The following EXOC6B variants were observed in gnomAD, a reference collection of about 807,000 sequenced individuals.
The protein encoded by EXOC6B is exocyst complex component 6B, also known as SEC15 homolog B.
A neutral mutation model predicts 113.5 loss-of-function variants in EXOC6B; 54 were observed. That is an observed-to-expected ratio of 0.48 (90% confidence interval 0.38 to 0.60). EXOC6B has a LOEUF of 0.60. Ranked by LOEUF, EXOC6B falls within the 20% of genes least tolerant of loss-of-function variation. EXOC6B has a pLI of 0.00. For missense variants in EXOC6B, 797 were observed against 977.5 expected, an observed-to-expected ratio of 0.82 and a Z score of 2.46; for synonymous variants, 357 against 339.0, an observed-to-expected ratio of 1.05 and a Z score of -0.58.
intron 1 of EXOC6B, among the ~76,000 whole-genome samples, chr2:72,793,633 A>G (rs1684796851): frequency 6.6e-6 from 1 of 152,208 alleles, no homozygotes; most frequent in African/African-American, 2.4e-5. Flanking sequence ...CTTGAAAAGT[A>G]AGTATGGCTG....
chr2:72,488,819 T>C (rs899292198), intron 16 of EXOC6B, among the ~76,000 whole-genome samples: 2 of 152,198 alleles, frequency 1.3e-5, no homozygotes, highest in Non-Finnish European at 2.9e-5. Context: ...CCATGGTCAA[T>C]GTGATCCTCT....
chr2:72,502,787 C>T (rs577157542), intron 11 of EXOC6B, among the ~76,000 whole-genome samples: 2 of 152,054 alleles, frequency 1.3e-5, no homozygotes, highest in African/African-American at 4.8e-5. Context: ...TCCCTTCTTT[C>T]GTCACTGTCT....
intron 1 of EXOC6B, among the ~76,000 whole-genome samples, chr2:72,752,299 T>C (rs1682097302): frequency 6.6e-6 from 1 of 152,172 alleles, no homozygotes; most frequent in Admixed American, 6.6e-5. Flanking sequence ...CTTATCTCTA[T>C]GAAATAGATA....
intron 18 of EXOC6B, among the ~76,000 whole-genome samples, chr2:72,394,941 G>A (rs1386299703): frequency 6.6e-6 from 1 of 151,910 alleles, no homozygotes; most frequent in Non-Finnish European, 1.5e-5. Flanking sequence ...AGCCCTCCCA[G>A]ATGCCAGATC....
chr2:72,601,467 G>C (rs533261800), intron 6 of EXOC6B, among the ~76,000 whole-genome samples: 1 of 152,122 alleles, frequency 6.6e-6, no homozygotes, highest in Non-Finnish European at 1.5e-5. Context: ...TTATATGTGT[G>C]AGCCACCGCG....
intron 18 of EXOC6B, among the ~76,000 whole-genome samples, chr2:72,456,320 T>C (rs1697230030): frequency 1.3e-5 from 2 of 152,186 alleles, no homozygotes; most frequent in East Asian, 1.9e-4. Context: ...TTCTCTTTTC[T>C]ATAATTAAAT....
rs116229127 is a variant in EXOC6B, at chr2:72,765,404, G to A, written c.114-23935C>T. On this transcript the variant is annotated intron_variant, in intron 1 of 21. Coordinates refer to ENST00000272427, the MANE Select transcript of EXOC6B (RefSeq NM_015189.3). Reference sequence around the variant, plus strand: ...AACTGCTCAGGCAGTCAGGCGTGGTGGCTCAGGCCTATAATCCCAGCACTT... The same window carrying A: ...AACTGCTCAGGCAGTCAGGCGTGGTAGCTCAGGCCTATAATCCCAGCACTT... Among the ~76,000 whole-genome samples, 731 of 152,354 alleles carry A rather than the reference G, an allele frequency of 4.8e-3. 6 individuals carry two copies. The highest frequency in any genetic ancestry group is 0.016 in the African/African-American group (673 of 41,582).
intron 17 of EXOC6B, among the ~76,000 whole-genome samples, chr2:72,477,710 T>C (rs1698833290): frequency 1.3e-5 from 2 of 152,190 alleles, no homozygotes; most frequent in African/African-American, 2.4e-5. Context: ...ATACTTCATC[T>C]CTTATCGTCC....
chr2:72,818,311 ATTTTT>A (rs1183950982), intron 1 of EXOC6B, among the ~76,000 whole-genome samples: 4 of 117,842 alleles, frequency 3.4e-5, no homozygotes, highest in Non-Finnish European at 6.9e-5. Context: ...GGCCCAGCTA[ATTTTT>A]TTTTTTTTTT....
intron 19 of EXOC6B, among the ~76,000 whole-genome samples, chr2:72,340,628 CA>C (rs1430798271): frequency 6.6e-6 from 1 of 151,992 alleles, no homozygotes; most frequent in Non-Finnish European, 1.5e-5. Flanking sequence ...TGGTTTTGGC[CA>C]AAATGCCAGA....
At chr2:72,458,281 G>A (rs527584507) in intron 18 of EXOC6B, among the ~76,000 whole-genome samples, 81 of 152,236 alleles carry the variant, frequency 5.3e-4, no homozygotes, top group African/African-American at 1.8e-3. Context: ...AATAATGCCC[G>A]AAGGCAAATC....
chr2:72,693,656 CGG>C (rs1274835009), intron 6 of EXOC6B, among the ~76,000 whole-genome samples: 3 of 152,112 alleles, frequency 2.0e-5, no homozygotes, highest in African/African-American at 7.2e-5. Context: ...AAGGTTTGGT[CGG>C]GTTACTTAAA....
chr2:72,781,561 T>C (rs886643530), intron 1 of EXOC6B, among the ~76,000 whole-genome samples: 4 of 152,212 alleles, frequency 2.6e-5, no homozygotes, highest in Admixed American at 6.5e-5. Context: ...AAAGCCACCA[T>C]AGACAATAAA....
In EXOC6B at chr2:72,178,524, A is replaced by G. The variant is rs2104180424; in HGVS notation, c.*811T>C. On this transcript the variant is annotated 3_prime_UTR_variant, in exon 22 of 22. Transcript: ENST00000272427. ...AAGTGCTCTGACTGTAAGTGAAGGA[A>G]ATGAGATGAACAGGGAAGGGATTGG... 6.6e-6 allele frequency: 1 copy of G among 152,272 alleles called. No individual in the cohort carries two copies. The highest frequency in any genetic ancestry group is 1.9e-4 in the East Asian group (1 of 5,188). 9.4% of individuals were successfully genotyped at this position (152,272 alleles called of 1,614,324 possible).
chr2:72,443,684 G>A lies in EXOC6B; in HGVS notation c.1980+21476C>T, dbSNP rs145070153. 4.1e-3 allele frequency among the ~76,000 whole-genome samples: 618 copies of A among 152,236 alleles called. 13 individuals are homozygous for A. Among genetic ancestry groups the A allele is most frequent in the African/African-American group, 0.014 (597 of 41,544 alleles). ...AGGCGAAAGGCATGTCTTACATACCGGCAGACAAGAGAGAATATGTGCAGG... is the reference window on the plus strand; with the variant it reads ...AGGCGAAAGGCATGTCTTACATACCAGCAGACAAGAGAGAATATGTGCAGG... On this transcript the variant is annotated intron_variant, in intron 18 of 21. Transcript: ENST00000272427.
chr2:72,233,712 G>A (rs1463714522), intron 20 of EXOC6B, among the ~76,000 whole-genome samples: 2 of 152,154 alleles, frequency 1.3e-5, no homozygotes, highest in East Asian at 3.9e-4. Context: ...CACTAAGATT[G>A]TTCCACACCC....
intron 8 of EXOC6B, among the ~76,000 whole-genome samples, chr2:72,541,013 C>T (rs1021688403): frequency 1.3e-5 from 2 of 152,036 alleles, no homozygotes; most frequent in African/African-American, 2.4e-5. Context: ...GGTTGTGTCC[C>T]CACCAAAATC....
chr2:72,276,214 C>T (rs17008016), intron 20 of EXOC6B, among the ~76,000 whole-genome samples: 112 of 152,174 alleles, frequency 7.4e-4, no homozygotes, highest in African/African-American at 2.6e-3. Context: ...TCTAGATACC[C>T]GATGACTGCA....
chr2:72,710,508 T>C (rs1216374074), intron 6 of EXOC6B, among the ~76,000 whole-genome samples: 3 of 151,984 alleles, frequency 2.0e-5, no homozygotes, highest in African/African-American at 4.8e-5. Context: ...GGTACAAATA[T>C]ACAAATATCA....
Sources: gnomAD v4.1 joint callset for allele counts (sites outside exome capture counted in the v4.1 genomes callset) on GRCh38, gnomAD v4.1.1 for gene constraint, MANE v1.5 for transcripts, NCBI Gene and HGNC (gene_info 2026-07-23, HGNC 2026-07-21) for gene names.